Variants in ADNP observed in about 807,000 individuals in gnomAD.
The protein encoded by ADNP is activity-dependent neuroprotector homeobox protein.
In ADNP, 4 loss-of-function variants were observed where a neutral mutation model predicts 84.9. The ratio of observed to expected loss-of-function variants is 0.05; its 90% CI spans 0.02 to 0.11. The LOEUF (loss-of-function observed/expected upper bound fraction) is 0.11. ADNP is among the 10% of genes least tolerant of loss of function. ADNP has a pLI of 1.00. For synonymous variants in ADNP, 554 were observed against 468.1 expected, an observed-to-expected ratio of 1.18 and a Z score of -2.37; for missense variants, 1,132 against 1,326.0, an observed-to-expected ratio of 0.85 and a Z score of 2.27.
chr20:50,922,029 C>T (rs1258041099), intron 2 of ADNP, among the ~76,000 whole-genome samples: 1 of 152,140 alleles, frequency 6.6e-6, no homozygotes, highest in East Asian at 1.9e-4. Flanking sequence ...CACTTGCTGT[C>T]GCTGTAAGTG....
chr20:50,895,847 CAAT>C (rs1375630206), intron 5 of ADNP, among the ~76,000 whole-genome samples: 3 of 152,144 alleles, frequency 2.0e-5, no homozygotes, highest in African/African-American at 7.2e-5. Context: ...ATTTTTTCTT[CAAT>C]AATAACCTCA....
chr20:50,912,863 C>G (rs530005947), intron 2 of ADNP, among the ~76,000 whole-genome samples: 19 of 152,062 alleles, frequency 1.2e-4, no homozygotes, highest in Non-Finnish European at 2.1e-4. Context: ...TAAAGAAAAA[C>G]ACAGTCTCTC....
intron 2 of ADNP, among the ~76,000 whole-genome samples, chr20:50,910,063 G>A (rs1260104258): frequency 6.6e-6 from 1 of 152,126 alleles, no homozygotes; most frequent in Admixed American, 6.6e-5. Context: ...AGACCCACTG[G>A]GCAGGCGGAC....
intron 2 of ADNP, among the ~76,000 whole-genome samples, chr20:50,919,285 TTAAGTGTATATATATA>T (rs1241756227): frequency 3.5e-5 from 3 of 85,532 alleles, no homozygotes; most frequent in African/African-American, 1.5e-4. Flanking sequence ...ATACATATAT[TTAAGTGTATATATATA>T]TATATATATA....
intron 2 of ADNP, among the ~76,000 whole-genome samples, chr20:50,925,495 C>G (rs2123002022): frequency 6.6e-6 from 1 of 152,206 alleles, no homozygotes; most frequent in African/African-American, 2.4e-5. Context: ...TCATCCTCTC[C>G]TCACTTTCTA....
At chr20:50,898,552 G>A (rs941424612) in intron 5 of ADNP, among the ~76,000 whole-genome samples, 10 of 152,178 alleles carry the variant, frequency 6.6e-5, no homozygotes, top group African/African-American at 2.2e-4. Context: ...TGTTCTTCAA[G>A]ATCATAGCTA....
At chr20:50,904,261 G>A in intron 3 of ADNP, 1 of 406,878 alleles carries the variant, frequency 2.5e-6, no homozygotes, top group East Asian at 4.7e-5. Context: ...TGCACTCATG[G>A]TTCATTGACT....
chr20:50,919,603 C>A (rs532837942), intron 2 of ADNP, among the ~76,000 whole-genome samples: 1 of 152,020 alleles, frequency 6.6e-6, no homozygotes, highest in Non-Finnish European at 1.5e-5. Context: ...GTAAAAGAGG[C>A]GATGTATCAG....
intron 4 of ADNP, 138 bp downstream of exon 4, chr20:50,903,751 T>A (rs917199755): frequency 6.4e-5 from 42 of 653,288 alleles, no homozygotes; most frequent in African/African-American, 5.7e-4. Context: ...GTTAATGCTA[T>A]TGAGAATGTT....
At chr20:50,897,119 TTAG>T (rs545978586) in intron 5 of ADNP, among the ~76,000 whole-genome samples, 99 of 152,070 alleles carry the variant, frequency 6.5e-4, no homozygotes, top group Non-Finnish European at 1.2e-3. Flanking sequence ...TTTTGTATTT[TTAG>T]TAGAGACGGG....
At chr20:50,899,914 G>A (rs1433921308) in intron 5 of ADNP, among the ~76,000 whole-genome samples, 5 of 136,242 alleles carry the variant, frequency 3.7e-5, no homozygotes, top group Non-Finnish European at 1.5e-5. Context: ...TCATTATGAA[G>A]AGTGAAAGGA....
chr20:50,893,216 T>G lies in ADNP; in HGVS notation c.1498A>C (p.Thr500Pro), dbSNP rs756123024. ...AACATATGGTTGAGCAGAGTATCTG[T>G]GGGTAAATAGCGATTACAGTAGAGG... ...KCLYCNRYLP[T>P]DTLLNHMLIH... The change falls in exon 6 of 6, where the codon ACA becomes CCA. Residue 500 changes from threonine (T) to proline (P), a missense_variant. Physicochemically the swap from Thr to Pro is conservative, Grantham distance 38. Coordinates refer to ENST00000621696, the MANE Select transcript of ADNP (RefSeq NM_001282531.3). The surrounding 1 kb of genome is among the most constrained non-coding windows in gnomAD (Gnocchi z 4.4). 6.2e-7 allele frequency: 1 copy of G among 1,614,136 alleles called. No individual in the cohort carries two copies. Among genetic ancestry groups the G allele is most frequent in the African/African-American group, 1.3e-5 (1 of 74,948 alleles).
chr20:50,913,772 C>T, intron 2 of ADNP: 2 of 451,392 alleles, frequency 4.4e-6, no homozygotes, highest in Non-Finnish European at 8.4e-6. Flanking sequence ...ACTTGGCCTA[C>T]AGAGGGAAGC....
At chr20:50,908,578 T>A (rs1307092011) in intron 2 of ADNP, among the ~76,000 whole-genome samples, 3 of 151,824 alleles carry the variant, frequency 2.0e-5, no homozygotes, top group African/African-American at 7.3e-5. Context: ...ATCGAGACCA[T>A]CCTGGCTAAC....
Position 50,894,058 on chromosome 20 carries a change from C to T in ADNP, c.656G>A (p.Ser219Asn), listed in dbSNP as rs749029140. 6.2e-7 allele frequency: 1 copy of T among 1,614,216 alleles called. No homozygotes were observed. The highest frequency in any genetic ancestry group is 8.5e-7 in the Non-Finnish European group (1 of 1,180,036). Residue 219 changes from serine to asparagine, a missense_variant, in exon 6 of 6, where the codon AGT becomes AAT. By Grantham distance (46) the Ser-to-Asn change is conservative. Around this residue, in one of 10 missense-constraint regions of ADNP, gnomAD observed 130 missense variants for 183.7 expected, o/e 0.71. Transcript: ENST00000621696. ...VPLGSNAREE[S>N]SIHCKRCLFM... Reference sequence around the variant, plus strand: ...AAGGCATCGCTTGCAGTGAATACTACTCTCTTCTCGGGCATTCGAGCCTAA... The same window carrying T: ...AAGGCATCGCTTGCAGTGAATACTATTCTCTTCTCGGGCATTCGAGCCTAA...
At chr20:50,898,664 G>C (rs1981655154) in intron 5 of ADNP, among the ~76,000 whole-genome samples, 1 of 152,126 alleles carries the variant, frequency 6.6e-6, no homozygotes, top group Non-Finnish European at 1.5e-5. Flanking sequence ...CACTCAACAT[G>C]GCCCCTTACT....
In ADNP at chr20:50,889,280, C is replaced by G. The variant is rs1980397743; in HGVS notation, c.*2125G>C. On this transcript the variant is annotated 3_prime_UTR_variant, in exon 6 of 6. Coordinates refer to ENST00000621696, the MANE Select transcript of ADNP (RefSeq NM_001282531.3). ...ACAAGTCTCATTAGTCCTCCACGTA[C>G]AACTCAGAAGCCTGTTAATCAGGGA... The G allele has an allele frequency of 6.6e-6, 1 of 152,188 alleles. No homozygotes were observed. Among genetic ancestry groups the G allele is most frequent in the African/African-American group, 2.4e-5 (1 of 41,454 alleles). 9.4% of individuals were successfully genotyped at this position (152,188 alleles called of 1,614,324 possible).
At chr20:50,916,604 G>A (rs1186424585) in intron 2 of ADNP, among the ~76,000 whole-genome samples, 7 of 152,276 alleles carry the variant, frequency 4.6e-5, no homozygotes, top group Middle Eastern at 3.4e-3. Context: ...GGAGATGGTC[G>A]AGTGAGACAA....
chr20:50,901,246 TTAAA>T (rs1054167721), intron 5 of ADNP, among the ~76,000 whole-genome samples: 4 of 145,400 alleles, frequency 2.8e-5, no homozygotes, highest in Non-Finnish European at 5.9e-5. Flanking sequence ...TAAAACTGAA[TTAAA>T]TAAATGATGT....
Sources: gnomAD v4.1 joint callset for allele counts (sites outside exome capture counted in the v4.1 genomes callset) on GRCh38, gnomAD v4.1.1 for gene constraint, gnomAD v4.1.1 regional missense constraint, Gnocchi (gnomAD v3.1) non-coding constraint, MANE v1.5 for transcripts, NCBI Gene and HGNC (gene_info 2026-07-23, HGNC 2026-07-21) for gene names.